EFHB: variants seen among roughly 807,000 people sequenced by gnomAD.
The protein encoded by EFHB is EF-hand domain family member B, also known as EF-hand domain-containing family member B.
In EFHB, 91 loss-of-function variants were observed where a neutral mutation model predicts 87.2. The observed-to-expected ratio is 1.04, with a 90% confidence interval of 0.88 to 1.24. The LOEUF (loss-of-function observed/expected upper bound fraction) is 1.24. EFHB is among the 50% of genes most tolerant of loss of function. The pLI, the probability that EFHB is intolerant of heterozygous loss-of-function variation, is 0.00. For missense variants in EFHB, 1,084 were observed against 998.8 expected, an observed-to-expected ratio of 1.09 and a Z score of -1.15; for synonymous variants, 325 against 333.6, an observed-to-expected ratio of 0.97 and a Z score of 0.28.
intron 1 of EFHB, chr3:19,940,596 ATC>A (rs1696134283): frequency 6.1e-6 from 3 of 487,906 alleles, no homozygotes; most frequent in Non-Finnish European, 1.2e-5. Flanking sequence ...TCTGCTTCTC[ATC>A]TTCAGCTTTG....
intron 1 of EFHB, among the ~76,000 whole-genome samples, chr3:19,932,777 T>C (rs1432581066): frequency 1.3e-5 from 2 of 152,238 alleles, no homozygotes; most frequent in African/African-American, 2.4e-5. Flanking sequence ...AGGGACCATG[T>C]ACTTTTCAAT....
At chr3:19,917,914 G>A (rs1329479543) in intron 4 of EFHB, among the ~76,000 whole-genome samples, 1 of 152,162 alleles carries the variant, frequency 6.6e-6, no homozygotes, top group East Asian at 1.9e-4. Flanking sequence ...ACACACAAAT[G>A]GATGTCCAAG....
chr3:19,912,943 C>T (rs1357501185), intron 5 of EFHB, among the ~76,000 whole-genome samples: 1 of 152,130 alleles, frequency 6.6e-6, no homozygotes, highest in Non-Finnish European at 1.5e-5. Context: ...ATGATCATTT[C>T]AATTTATGCT....
rs1004849743 is a variant in EFHB, at chr3:19,891,889, C to A, written c.1726-3238G>T. Among the ~76,000 whole-genome samples the A allele has an allele frequency of 2.0e-5, 3 of 152,172 alleles. No homozygotes were observed. The South Asian group carries it at 6.2e-4, about 31-fold the overall frequency. Reference sequence around the variant, plus strand: ...CTCCATGTTTCTAATGCAGAAGCCACCACTACATGCCAAACTTGTGACTGC... The same window carrying A: ...CTCCATGTTTCTAATGCAGAAGCCAACACTACATGCCAAACTTGTGACTGC... On this transcript the variant is annotated intron_variant, in intron 9 of 12. Coordinates refer to ENST00000295824, the MANE Select transcript of EFHB (RefSeq NM_144715.4).
intron 1 of EFHB, among the ~76,000 whole-genome samples, chr3:19,930,859 G>T (rs1301999011): frequency 6.6e-6 from 1 of 152,182 alleles, no homozygotes. Flanking sequence ...CCTGCTGGGC[G>T]TGGTGGCTCA....
At chr3:19,901,313 T>A (rs1694662169) in intron 6 of EFHB, among the ~76,000 whole-genome samples, 1 of 152,236 alleles carries the variant, frequency 6.6e-6, no homozygotes, top group African/African-American at 2.4e-5. Context: ...ATTAAATGAA[T>A]AAAATTTCTT....
intron 5 of EFHB, among the ~76,000 whole-genome samples, chr3:19,909,333 C>T (rs1482749527): frequency 6.6e-6 from 1 of 152,090 alleles, no homozygotes; most frequent in Non-Finnish European, 1.5e-5. Flanking sequence ...CTGAACCAAA[C>T]TCAGCTGATG....
At chr3:19,905,487 CTAT>C in intron 6 of EFHB, 130 bp downstream of exon 6, 1 of 1,028,676 alleles carries the variant, frequency 9.7e-7, no homozygotes, top group Non-Finnish European at 1.4e-6. Context: ...ACTGTTTTTT[CTAT>C]TTTTTTCTAG....
chr3:19,936,141 C>T, upstream of EFHB: 2 of 1,495,378 alleles, frequency 1.3e-6, no homozygotes, highest in African/African-American at 2.8e-5. Flanking sequence ...AGTCACTCAC[C>T]TGTAATCTCA....
chr3:19,896,661 C>A, intron 9 of EFHB, 26 bp downstream of exon 9: 1 of 1,613,920 alleles, frequency 6.2e-7, no homozygotes, highest in Non-Finnish European at 8.5e-7. Flanking sequence ...CCATGCATTA[C>A]CAAAAAGCTC....
chr3:19,908,572 G>GAGAAAGAGAGAA (rs1559459494), intron 5 of EFHB, among the ~76,000 whole-genome samples: 1 of 70,838 alleles, frequency 1.4e-5, no homozygotes, highest in East Asian at 2.7e-4. Context: ...AAGAGAGAGA[G>GAGAAAGAGAGAA]AGAGAGAGAG....
At chr3:19,894,065 T>G (rs1290015826) in intron 9 of EFHB, among the ~76,000 whole-genome samples, 1 of 152,238 alleles carries the variant, frequency 6.6e-6, no homozygotes, top group African/African-American at 2.4e-5. Flanking sequence ...TAAGAACATC[T>G]GTCATGAATT....
At chr3:19,913,288 T>C (rs879717353) in intron 5 of EFHB, among the ~76,000 whole-genome samples, 2 of 152,212 alleles carry the variant, frequency 1.3e-5, no homozygotes, top group Admixed American at 1.3e-4. Context: ...TATGATCTTA[T>C]ATTTAGAAAA....
upstream of EFHB, chr3:19,934,268 G>C: frequency 7.1e-7 from 1 of 1,400,290 alleles, no homozygotes; most frequent in South Asian, 1.6e-5. Flanking sequence ...CTCAAGTCCT[G>C]CTTGGACAGA....
At chr3:19,883,586 ATGG>A (rs772000630) in intron 11 of EFHB, among the ~76,000 whole-genome samples, 13 of 152,300 alleles carry the variant, frequency 8.5e-5, no homozygotes, top group Non-Finnish European at 1.3e-4. Flanking sequence ...CAAAATTTAG[ATGG>A]TGAAGTCCTA....
chr3:19,887,271 G>A (rs981945475), intron 10 of EFHB, among the ~76,000 whole-genome samples: 4 of 151,176 alleles, frequency 2.6e-5, no homozygotes, highest in African/African-American at 7.3e-5. Context: ...CATAATCCCA[G>A]CTACTCTGGA....
chr3:19,880,516 T>G (rs2071648701), intron 12 of EFHB, among the ~76,000 whole-genome samples: 1 of 152,178 alleles, frequency 6.6e-6, no homozygotes, highest in Non-Finnish European at 1.5e-5. Context: ...CCTCCCAAAG[T>G]GCTGGGATTA....
Position 19,933,800 on chromosome 3 carries a change from TC to T in EFHB, c.218del (p.Gly73AspfsTer2). Reference protein sequence around the residue: ...KFPLSKGLEMGLERQNISRTV... With the variant: ...KFPLSKGLEMXLERQNISRTV... The stretch of plus-strand genomic sequence containing the variant: ...TCCTAGAAATATTCTGTCTTTCTAA[TC>T]CCATTTCAAGCCCCTTGCTCAATGG... On this transcript the variant is annotated frameshift_variant, in exon 1 of 13. Coordinates refer to ENST00000295824, the MANE Select transcript of EFHB (RefSeq NM_144715.4). LOFTEE classifies it high-confidence loss of function. 6.2e-7 allele frequency: 1 copy of T among 1,614,008 alleles called. No individual in the cohort carries two copies. Among genetic ancestry groups the T allele is most frequent in the Non-Finnish European group, 8.5e-7 (1 of 1,179,900 alleles).
rs1311741938 is a variant in EFHB, at chr3:19,920,479, T to C, written c.852+26A>G. 1.9e-6 allele frequency: 3 copies of C among 1,574,564 alleles called. No homozygotes were observed. In the South Asian group the frequency reaches 3.5e-5, roughly 18 times the overall value. ...TTCACATAGAAGGTAAAAATAGAAATATAAAGGTATATTGAAAGTGCTCAC... is the reference window on the plus strand; with the variant it reads ...TTCACATAGAAGGTAAAAATAGAAACATAAAGGTATATTGAAAGTGCTCAC... On this transcript the variant is annotated intron_variant, in intron 2 of 12. Coordinates refer to ENST00000295824, the MANE Select transcript of EFHB (RefSeq NM_144715.4).
Sources: gnomAD v4.1 joint callset for allele counts (sites outside exome capture counted in the v4.1 genomes callset) on GRCh38, gnomAD v4.1.1 for gene constraint, MANE v1.5 for transcripts, NCBI Gene and HGNC (gene_info 2026-07-23, HGNC 2026-07-21) for gene names.